Variants in CDK14 observed in about 807,000 individuals in gnomAD.
CDK14 encodes the protein cyclin dependent kinase 14.
Under a neutral mutation model 60.7 loss-of-function variants are expected in CDK14, and 34 were observed. The ratio of observed to expected loss-of-function variants is 0.56; its 90% CI spans 0.43 to 0.75. The LOEUF (loss-of-function observed/expected upper bound fraction) is 0.75, where lower values mean the gene tolerates loss of function less well. CDK14 is among the 30% of genes least tolerant of loss of function. The pLI, the probability that CDK14 is intolerant of heterozygous loss-of-function variation, is 0.00. For synonymous variants in CDK14, 197 were observed against 203.7 expected, an observed-to-expected ratio of 0.97 and a Z score of 0.28; for missense variants, 482 against 564.1, an observed-to-expected ratio of 0.85 and a Z score of 1.47.
In CDK14 at chr7:90,616,377, G is replaced by T. The variant is rs1322603968; in HGVS notation, c.123+12128G>T. Among the ~76,000 whole-genome samples, 2 of 152,204 alleles carry T rather than the reference G, an allele frequency of 1.3e-5. 1 individual carries two copies. The highest frequency in any genetic ancestry group is 4.1e-4 in the South Asian group (2 of 4,824). ...AATTACAAATTCTTTTGTGTTATAG[G>T]TGCTCGTTTATTTTAAATCTTCAGC... On this transcript the variant is annotated intron_variant, in intron 2 of 14. Transcript: ENST00000380050.
At chr7:90,813,761 T>A (rs1286465530) in intron 5 of CDK14, among the ~76,000 whole-genome samples, 50 of 150,846 alleles carry the variant, frequency 3.3e-4, no homozygotes, top group Non-Finnish European at 7.0e-4. Context: ...AAAAAAAAAA[T>A]GATCTTAATG....
At chr7:91,088,649 A>G (rs1798711532) in intron 12 of CDK14, among the ~76,000 whole-genome samples, 1 of 151,748 alleles carries the variant, frequency 6.6e-6, no homozygotes, top group South Asian at 2.1e-4. Flanking sequence ...TAAAGGGATC[A>G]ATATTCTGGC....
At chr7:90,899,401 T>C in intron 7 of CDK14, 48 bp downstream of exon 7, 1 of 1,399,106 alleles carries the variant, frequency 7.1e-7, no homozygotes, top group Non-Finnish European at 9.7e-7. Flanking sequence ...TTGATGTGTA[T>C]TTTTTGAACT....
intron 14 of CDK14, among the ~76,000 whole-genome samples, chr7:91,119,897 G>A (rs1195556564): frequency 6.6e-6 from 1 of 152,084 alleles, no homozygotes; most frequent in Non-Finnish European, 1.5e-5. Context: ...CACAACTCTC[G>A]GTTGCATTTG....
chr7:90,686,209 C>T (rs949665144), intron 2 of CDK14, among the ~76,000 whole-genome samples: 18 of 152,076 alleles, frequency 1.2e-4, no homozygotes, highest in African/African-American at 3.4e-4. Flanking sequence ...GTTTTCTAGA[C>T]GTTAGTCTAC....
chr7:90,663,743 A>G (rs1262852134), intron 2 of CDK14, among the ~76,000 whole-genome samples: 2 of 152,184 alleles, frequency 1.3e-5, no homozygotes, highest in Admixed American at 6.5e-5. Context: ...TTTTAATAGT[A>G]CCTTTACTTT....
intron 10 of CDK14, among the ~76,000 whole-genome samples, chr7:91,003,267 T>C (rs1196664517): frequency 6.6e-6 from 1 of 152,088 alleles, no homozygotes; most frequent in Non-Finnish European, 1.5e-5. Flanking sequence ...AGTTGTAAAA[T>C]AGATATTGAT....
chr7:90,829,229 TC>T (rs888759161), intron 5 of CDK14, among the ~76,000 whole-genome samples: 5 of 152,032 alleles, frequency 3.3e-5, no homozygotes, highest in Admixed American at 2.6e-4. Context: ...CATATCATTC[TC>T]CCCCTGGCCT....
chr7:90,638,219 C>G (rs1476782331), intron 2 of CDK14, among the ~76,000 whole-genome samples: 1 of 152,140 alleles, frequency 6.6e-6, no homozygotes, highest in Non-Finnish European at 1.5e-5. Flanking sequence ...CAGTTTCTTC[C>G]TAGTCCTGAT....
chr7:90,825,177 G>A (rs1789680187), intron 5 of CDK14, among the ~76,000 whole-genome samples: 1 of 152,172 alleles, frequency 6.6e-6, no homozygotes, highest in Non-Finnish European at 1.5e-5. Flanking sequence ...AGTGACTTGA[G>A]TTTCACAATG....
intron 14 of CDK14, among the ~76,000 whole-genome samples, chr7:91,170,611 A>T (rs895614870): frequency 6.6e-6 from 1 of 152,194 alleles, no homozygotes; most frequent in Non-Finnish European, 1.5e-5. Flanking sequence ...GTGAAAATTG[A>T]TTTGTTAATT....
chr7:90,776,950 C>T (rs1805073718), intron 4 of CDK14, among the ~76,000 whole-genome samples: 1 of 151,672 alleles, frequency 6.6e-6, no homozygotes, highest in Non-Finnish European at 1.5e-5. Context: ...TCCCCCTTCT[C>T]TAATGAAAAT....
chr7:91,094,694 T>C (rs907783269), intron 12 of CDK14, among the ~76,000 whole-genome samples: 1 of 152,200 alleles, frequency 6.6e-6, no homozygotes, highest in African/African-American at 2.4e-5. Flanking sequence ...GAGTGAGGCA[T>C]GTAAGGTGCT....
chr7:91,178,913 A>T (rs1801883456), intron 14 of CDK14, among the ~76,000 whole-genome samples: 1 of 152,096 alleles, frequency 6.6e-6, no homozygotes, highest in Non-Finnish European at 1.5e-5. Flanking sequence ...TTCCTCAGGG[A>T]TCTAGAACTA....
At chr7:90,712,599 C>T (rs1472455147) in intron 2 of CDK14, among the ~76,000 whole-genome samples, 2 of 151,820 alleles carry the variant, frequency 1.3e-5, no homozygotes, top group East Asian at 3.9e-4. Flanking sequence ...CTAAAATAGC[C>T]TATGGGAAAG....
intron 2 of CDK14, among the ~76,000 whole-genome samples, chr7:90,706,017 G>A (rs999888493): frequency 6.6e-6 from 1 of 152,164 alleles, no homozygotes; most frequent in Non-Finnish European, 1.5e-5. Context: ...TCAAAGGATC[G>A]ATTTTTGTTT....
intron 4 of CDK14, among the ~76,000 whole-genome samples, chr7:90,776,703 A>G (rs78303760): frequency 0.018 from 2,808 of 152,326 alleles, 40 homozygotes; most frequent in Non-Finnish European, 0.027. Flanking sequence ...AGGACATTTG[A>G]TAGTACTTTG....
At chr7:91,204,687 G>T (rs149778638) in intron 14 of CDK14, among the ~76,000 whole-genome samples, 1,824 of 152,338 alleles carry the variant, frequency 0.012, 44 homozygotes, top group African/African-American at 0.042. Context: ...GGTGGCTCAT[G>T]CCTGTAATCC....
chr7:91,026,655 C>G (rs1796577689), intron 10 of CDK14, among the ~76,000 whole-genome samples: 1 of 152,232 alleles, frequency 6.6e-6, no homozygotes, highest in Non-Finnish European at 1.5e-5. Context: ...TCTCCCCTCC[C>G]TCACCAGTCA....
Sources: gnomAD v4.1 joint callset for allele counts (sites outside exome capture counted in the v4.1 genomes callset) on GRCh38, gnomAD v4.1.1 for gene constraint, MANE v1.5 for transcripts, NCBI Gene and HGNC (gene_info 2026-07-23, HGNC 2026-07-21) for gene names.